The following TEKT5 variants were observed in gnomAD, a reference collection of about 807,000 sequenced individuals.
TEKT5 encodes tektin 5, also known as tektin-5.
In TEKT5, 52 loss-of-function variants were observed where a neutral mutation model predicts 48.7. The observed-to-expected ratio is 1.07, with a 90% CI of 0.86 to 1.35. TEKT5 has a LOEUF of 1.35. TEKT5 is among the 40% of genes most tolerant of loss of function. The probability of loss-of-function intolerance (pLI) is 0.00; values close to 1 mark genes in which losing one functional copy is unlikely to be tolerated. For missense variants in TEKT5, 831 were observed against 641.6 expected (o/e 1.30, Z -3.19); for synonymous variants, 318 against 267.6 (o/e 1.19, Z -1.84).
In TEKT5 at chr16:10,694,361, C is replaced by T. The variant is rs772826755; in HGVS notation, c.513G>A (p.Thr171=). 2.0e-5 allele frequency: 33 copies of T among 1,613,174 alleles called. No homozygotes were observed. The highest frequency in any genetic ancestry group is 2.7e-5 in the African/African-American group (2 of 75,040). Residue 171 remains threonine (T), a synonymous_variant, in exon 1 of 7, where the codon ACG becomes ACA. Coordinates refer to ENST00000283025, the MANE Select transcript of TEKT5 (RefSeq NM_144674.2). ...CCGCGCACTCCAGCCGCCTCTTGAC[C>T]GTCTCCAAGTTCTGGTTCTCAGTCA... ...RLLTENQNLE[T]VKRRLECAAN... is the part of the protein sequence containing the mutation.
At chr16:10,641,597 A>G (rs189831546) in intron 5 of TEKT5, among the ~76,000 whole-genome samples, 310 of 152,270 alleles carry the variant, frequency 2.0e-3, no homozygotes, top group African/African-American at 7.1e-3. Flanking sequence ...AGGTGGGAGG[A>G]TCACTTGAGT....
At chr16:10,681,946 C>T in intron 4 of TEKT5, 47 bp downstream of exon 4, 2 of 1,600,346 alleles carry the variant, frequency 1.2e-6, no homozygotes, top group Non-Finnish European at 1.7e-6. Flanking sequence ...GAAGCCCTCA[C>T]TCCAGTTGGA....
intron 5 of TEKT5, among the ~76,000 whole-genome samples, chr16:10,669,972 G>A (rs1898525235): frequency 6.6e-6 from 1 of 152,164 alleles, no homozygotes; most frequent in South Asian, 2.1e-4. Context: ...GAGGCCCCGG[G>A]GCAAGCTATG....
intron 5 of TEKT5, among the ~76,000 whole-genome samples, chr16:10,653,612 G>A (rs1477981660): frequency 1.3e-5 from 2 of 152,286 alleles, no homozygotes; most frequent in East Asian, 1.9e-4. Context: ...GTAAAAACAG[G>A]CTTAATAATA....
chr16:10,654,427 T>G (rs370505740), intron 5 of TEKT5, among the ~76,000 whole-genome samples: 1 of 152,208 alleles, frequency 6.6e-6, no homozygotes, highest in Non-Finnish European at 1.5e-5. Context: ...GACAGCCAGA[T>G]AGCTGGTAAA....
intron 5 of TEKT5, among the ~76,000 whole-genome samples, chr16:10,649,075 G>C (rs1439102415): frequency 6.6e-6 from 1 of 151,552 alleles, no homozygotes; most frequent in East Asian, 2.0e-4. Flanking sequence ...TCAGCCACCT[G>C]AGTAACTGGT....
rs772378014 is a variant in TEKT5 at position 10,663,479 on chromosome 16, G to C, written c.1086+12480C>G. ...GGCTCAGTGCAGATCCCCAGCTCAG[G>C]AAAGAGGAAGGCAGCTTGAAATCCT... On this transcript the variant is annotated intron_variant, in intron 5 of 6. Coordinates refer to ENST00000283025, the MANE Select transcript of TEKT5 (RefSeq NM_144674.2). 3.3e-4 allele frequency among the ~76,000 whole-genome samples: 51 copies of C among 152,324 alleles called. 1 individual carries two copies. The highest frequency in any genetic ancestry group is 1.8e-4 in the Non-Finnish European group (12 of 68,030).
At chr16:10,633,611 T>C (rs1251644347) in intron 6 of TEKT5, among the ~76,000 whole-genome samples, 1 of 152,082 alleles carries the variant, frequency 6.6e-6, no homozygotes, top group East Asian at 1.9e-4. Flanking sequence ...GGCGCAATCA[T>C]AGCTCACTGC....
intron 5 of TEKT5, among the ~76,000 whole-genome samples, chr16:10,637,887 C>G (rs1897938634): frequency 6.6e-6 from 1 of 152,186 alleles, no homozygotes; most frequent in South Asian, 2.1e-4. Flanking sequence ...CGCAGCTTAC[C>G]ACAGCCTCGA....
chr16:10,687,423 C>T (rs902572718), intron 3 of TEKT5, among the ~76,000 whole-genome samples: 2 of 152,220 alleles, frequency 1.3e-5, no homozygotes, highest in African/African-American at 4.8e-5. Flanking sequence ...TGTCCCAATT[C>T]TCCCTTTGTT....
At chr16:10,647,160 T>A (rs1214409817) in intron 5 of TEKT5, among the ~76,000 whole-genome samples, 1 of 151,906 alleles carries the variant, frequency 6.6e-6, no homozygotes, top group Non-Finnish European at 1.5e-5. Context: ...TTACTGAGGG[T>A]TCAGCGGGTG....
intron 5 of TEKT5, among the ~76,000 whole-genome samples, chr16:10,649,676 TCCTCCCACACTGG>T (rs1898122785): frequency 6.6e-6 from 1 of 152,148 alleles, no homozygotes; most frequent in Admixed American, 6.6e-5. Flanking sequence ...CCTCAAGTGA[TCCTCCCACACTGG>T]CCTCCTAAAG....
chr16:10,646,656 A>G (rs1898075580), intron 5 of TEKT5, among the ~76,000 whole-genome samples: 1 of 152,220 alleles, frequency 6.6e-6, no homozygotes, highest in African/African-American at 2.4e-5. Flanking sequence ...AATCCAGGAA[A>G]AATAGATAGC....
intron 5 of TEKT5, among the ~76,000 whole-genome samples, chr16:10,662,771 G>C (rs759846219): frequency 7.9e-5 from 12 of 152,174 alleles, no homozygotes; most frequent in Non-Finnish European, 1.5e-4. Context: ...TAGCTGGAGT[G>C]GTTAGTGGTG....
rs534777800 is a variant in TEKT5, at chr16:10,660,319, G to C, written c.1086+15640C>G. On this transcript the variant is annotated intron_variant, in intron 5 of 6. Transcript: ENST00000283025. Reference sequence around the variant, plus strand: ...CAAGGCAGGTGGCAGGTGGCTCTTTGGGCCACATGCCCCCACCTTTGGCTG... The same window carrying C: ...CAAGGCAGGTGGCAGGTGGCTCTTTCGGCCACATGCCCCCACCTTTGGCTG... Among the ~76,000 whole-genome samples, 13 of 152,278 alleles carry C rather than the reference G, an allele frequency of 8.5e-5. No individual in the cohort carries two copies. In the South Asian group the frequency reaches 1.0e-3, roughly 12 times the overall value.
intron 5 of TEKT5, among the ~76,000 whole-genome samples, chr16:10,673,078 C>A (rs1045148775): frequency 3.9e-5 from 6 of 152,138 alleles, no homozygotes; most frequent in African/African-American, 7.2e-5. Context: ...TCATCATAAC[C>A]ATGCAGTCTG....
intron 5 of TEKT5, among the ~76,000 whole-genome samples, chr16:10,642,782 G>A (rs1898013813): frequency 6.6e-6 from 1 of 152,188 alleles, no homozygotes; most frequent in African/African-American, 2.4e-5. Flanking sequence ...AAGCTAAAGT[G>A]TTGATCTCAT....
intron 5 of TEKT5, among the ~76,000 whole-genome samples, chr16:10,658,720 T>TTTTC (rs59705480): frequency 0.62 from 90,863 of 146,344 alleles, 27,799 homozygotes; most frequent in Middle Eastern, 0.75. Flanking sequence ...AGATATTTCT[T>TTTTC]TTTCTTTTTT....
rs546403716 is a variant in TEKT5 at position 10,651,092 on chromosome 16, C to T, written c.1087-15174G>A. ...ATGCTGAGGAGGAAGCCCAGGGGAC[C>T]GTCATCCTGAGCAGGAGGGACAGTT... On this transcript the variant is annotated intron_variant, in intron 5 of 6. Coordinates refer to ENST00000283025, the MANE Select transcript of TEKT5 (RefSeq NM_144674.2). Among the ~76,000 whole-genome samples the T allele has an allele frequency of 4.6e-5, 7 of 152,216 alleles. No individual in the cohort carries two copies. In the South Asian group the frequency reaches 8.3e-4, roughly 18 times the overall value.
Sources: gnomAD v4.1 joint callset for allele counts (sites outside exome capture counted in the v4.1 genomes callset) on GRCh38, gnomAD v4.1.1 for gene constraint, MANE v1.5 for transcripts, NCBI Gene and HGNC (gene_info 2026-07-23, HGNC 2026-07-21) for gene names.